Variants in ZHX3 observed in about 807,000 individuals in gnomAD.
The protein encoded by ZHX3 is zinc fingers and homeoboxes protein 3.
In ZHX3, 20 loss-of-function variants were observed where a neutral mutation model predicts 64.5. That is an observed-to-expected ratio of 0.31 (90% CI 0.22 to 0.45). The LOEUF (loss-of-function observed/expected upper bound fraction) is 0.45. Among genes scored for constraint, ZHX3 ranks in the 20% least tolerant of loss-of-function variants. The probability of loss-of-function intolerance (pLI) is 1.00; values close to 1 mark genes in which losing one functional copy is unlikely to be tolerated. For synonymous variants in ZHX3, 423 were observed against 461.6 expected (o/e 0.92, Z 1.07); for missense variants, 1,041 against 1,195.8 (o/e 0.87, Z 1.91).
chr20:41,259,869 C>T (rs1184260599), intron 2 of ZHX3, among the ~76,000 whole-genome samples: 1 of 151,940 alleles, frequency 6.6e-6, no homozygotes, highest in Non-Finnish European at 1.5e-5. Flanking sequence ...TTAAAAACCC[C>T]AATAAGATTT....
At chr20:41,257,530 C>G (rs2042320801) in intron 2 of ZHX3, among the ~76,000 whole-genome samples, 1 of 151,952 alleles carries the variant, frequency 6.6e-6, no homozygotes, top group African/African-American at 2.4e-5. Context: ...TACTCAGGTC[C>G]AAATTCATTC....
At chr20:41,238,812 T>C (rs1398113405) in intron 2 of ZHX3, 2 of 151,892 alleles carry the variant, frequency 1.3e-5, no homozygotes, top group Non-Finnish European at 2.9e-5. Flanking sequence ...ACACACAAAA[T>C]ACAAGGAAAT....
chr20:41,190,056 TTTA>T (rs1309923156), intron 3 of ZHX3, among the ~76,000 whole-genome samples: 2 of 152,210 alleles, frequency 1.3e-5, no homozygotes, highest in African/African-American at 4.8e-5. Context: ...GCTTTTTCTG[TTTA>T]TTGAGATGAC....
intron 1 of ZHX3, among the ~76,000 whole-genome samples, chr20:41,299,081 A>G (rs1283895699): frequency 2.0e-5 from 3 of 152,246 alleles, no homozygotes; most frequent in Non-Finnish European, 4.4e-5. Context: ...AGAAATAAAC[A>G]TAATTGGGAA....
chr20:41,295,347 T>C (rs2044455010), intron 1 of ZHX3, among the ~76,000 whole-genome samples: 1 of 152,128 alleles, frequency 6.6e-6, no homozygotes, highest in Non-Finnish European at 1.5e-5. Flanking sequence ...ACTGAGAAAC[T>C]ATCATATATA....
intron 1 of ZHX3, among the ~76,000 whole-genome samples, chr20:41,313,593 C>A: frequency 9.6e-6 from 1 of 103,778 alleles, no homozygotes; most frequent in South Asian, 3.6e-4. Flanking sequence ...ACTTTTAGGC[C>A]TTTTTTTTTT....
In ZHX3 at chr20:41,196,563, TAATA is replaced by T. The variant is rs1182983375; in HGVS notation, c.2860+5490_2860+5493del. 9 of 66,030 alleles carry T rather than the reference TAATA, an allele frequency of 1.4e-4. 1 individual carries two copies. The highest frequency in any genetic ancestry group is 1.2e-4 in the African/African-American group (2 of 16,278). 4.1% of individuals were successfully genotyped at this position (66,030 alleles called of 1,614,324 possible). ...TATTATATATAATATATATTATATA[TAATA>T]TATATAAAAATATATATATTTATAT... is the stretch of plus-strand genomic sequence containing the variant. On this transcript the variant is annotated intron_variant, in intron 3 of 3. Coordinates refer to ENST00000683867, the MANE Select transcript of ZHX3 (RefSeq NM_001384317.1).
At chr20:41,199,402 T>C (rs896871341) in intron 3 of ZHX3, among the ~76,000 whole-genome samples, 4 of 152,212 alleles carry the variant, frequency 2.6e-5, no homozygotes, top group Non-Finnish European at 5.9e-5. Flanking sequence ...TTTTTGCTTA[T>C]TGAGGGCTGG....
At chr20:41,306,663 T>C (rs1178905014) in intron 1 of ZHX3, among the ~76,000 whole-genome samples, 1 of 152,242 alleles carries the variant, frequency 6.6e-6, no homozygotes, top group Non-Finnish European at 1.5e-5. Flanking sequence ...GTTACCTGTA[T>C]GGTAAAATGG....
intron 2 of ZHX3, among the ~76,000 whole-genome samples, chr20:41,247,135 C>T (rs1376741691): frequency 6.6e-6 from 1 of 152,010 alleles, no homozygotes; most frequent in Non-Finnish European, 1.5e-5. Flanking sequence ...TGGCGTGCGC[C>T]TCATGCCTGC....
Position 41,258,716 on chromosome 20 carries a change from T to G in ZHX3, c.-151+10274A>C, listed in dbSNP as rs576704442. 1.1e-4 allele frequency among the ~76,000 whole-genome samples: 17 copies of G among 152,350 alleles called. 1 individual carries two copies. The South Asian group carries it at 3.5e-3, about 32-fold the overall frequency. ...TGATATGTCTTATTGCTGGTGGTGT[T>G]GGTCTTGACCTCTTGGTTAAGGTGG... On this transcript the variant is annotated intron_variant, in intron 2 of 3. Transcript: ENST00000683867.
intron 2 of ZHX3, among the ~76,000 whole-genome samples, chr20:41,206,837 A>T (rs1041414522): frequency 6.6e-6 from 1 of 152,180 alleles, no homozygotes; most frequent in African/African-American, 2.4e-5. Context: ...ACTCCAAAAC[A>T]CATTAATTGT....
rs1392077778 is a variant in ZHX3, at chr20:41,299,610, T to G, written c.-245+17899A>C. On this transcript the variant is annotated intron_variant, in intron 1 of 3. Coordinates refer to ENST00000683867, the MANE Select transcript of ZHX3 (RefSeq NM_001384317.1). Reference sequence around the variant, plus strand: ...GGTGCGGTGGCTCATGCCTGTAATCTCAGCACTTTGGGAGGCTGAGGCAGG... The same window carrying G: ...GGTGCGGTGGCTCATGCCTGTAATCGCAGCACTTTGGGAGGCTGAGGCAGG... Among the ~76,000 whole-genome samples the G allele has an allele frequency of 3.3e-5, 5 of 152,150 alleles. No homozygotes were observed. The East Asian group carries it at 9.7e-4, about 29-fold the overall frequency.
intron 3 of ZHX3, among the ~76,000 whole-genome samples, chr20:41,190,478 AT>A (rs1451663947): frequency 6.6e-6 from 1 of 152,072 alleles, no homozygotes; most frequent in Non-Finnish European, 1.5e-5. Context: ...GCCAAGGATT[AT>A]TGATATGTGA....
In ZHX3 at chr20:41,200,122, C is replaced by G. The variant is rs2038099887; in HGVS notation, c.2860+1935G>C. ...TGCGGATGCTGAAACAAAAAAAAAC[C>G]ATCAAAATTTGTAAGCCTCTCCATC... On this transcript the variant is annotated intron_variant, in intron 3 of 3. Transcript: ENST00000683867. The surrounding 1 kb of genome is among the most constrained non-coding windows in gnomAD (Gnocchi z 4.2). Among the ~76,000 whole-genome samples, 2 of 151,834 alleles carry G rather than the reference C, an allele frequency of 1.3e-5. No homozygotes were observed. Among genetic ancestry groups the G allele is most frequent in the Non-Finnish European group, 2.9e-5 (2 of 68,000 alleles).
chr20:41,213,376 C>T (rs1388885965), intron 2 of ZHX3, among the ~76,000 whole-genome samples: 1 of 152,166 alleles, frequency 6.6e-6, no homozygotes, highest in Non-Finnish European at 1.5e-5. Context: ...AGAAGAGGGT[C>T]AGCATTTACA....
At position 41,185,071 on chromosome 20, in the gene ZHX3, C is replaced by G. The variant is rs778611899; in HGVS notation, c.*120G>C. On this transcript the variant is annotated 3_prime_UTR_variant, in exon 4 of 4. Transcript: ENST00000683867. The surrounding 1 kb of genome is among the most constrained non-coding windows in gnomAD (Gnocchi z 5.0). ...TGTCTGCGAGGATTCTGGAAGCTCT[C>G]CCAGGTGCCCAGCAGCCGGGCATGG... is the stretch of plus-strand genomic sequence containing the variant. 2 of 1,555,074 alleles carry G rather than the reference C, an allele frequency of 1.3e-6. No individual in the cohort carries two copies. The highest frequency in any genetic ancestry group is 3.9e-5 in the Admixed American group (2 of 51,236).
rs903427722 is a variant in ZHX3 at position 41,228,113 on chromosome 20, C to T, written c.-150-23047G>A. Among the ~76,000 whole-genome samples, 1 of 152,106 alleles carries T rather than the reference C, an allele frequency of 6.6e-6. No individual in the cohort carries two copies. The highest frequency in any genetic ancestry group is 1.5e-5 in the Non-Finnish European group (1 of 68,006). ...ACTCAGGACCCAAAGGAAGTTAAGA[C>T]CCACACCTCTATAACCTCTCCAAAG... On this transcript the variant is annotated intron_variant, in intron 2 of 3. Transcript: ENST00000683867. The surrounding 1 kb of genome is among the most constrained non-coding windows in gnomAD (Gnocchi z 4.6).
intron 2 of ZHX3, among the ~76,000 whole-genome samples, chr20:41,246,998 T>G (rs1284606298): frequency 6.6e-6 from 1 of 152,060 alleles, no homozygotes; most frequent in East Asian, 1.9e-4. Flanking sequence ...TGGTGGCTCA[T>G]GCCTGTAATC....
Sources: allele counts gnomAD v4.1 joint callset (sites outside exome capture counted in the v4.1 genomes callset), GRCh38; gene constraint gnomAD v4.1.1; non-coding constraint Gnocchi (gnomAD v3.1); transcripts MANE v1.5; gene names NCBI Gene and HGNC (gene_info 2026-07-23, HGNC 2026-07-21).